AKT3: variants seen among roughly 807,000 people sequenced by gnomAD.
AKT3 encodes the protein AKT serine/threonine kinase 3.
In AKT3, 15 loss-of-function variants were observed where a neutral mutation model predicts 65.3. That is an observed-to-expected ratio of 0.23 (90% CI 0.15 to 0.35). The LOEUF (loss-of-function observed/expected upper bound fraction) is 0.35. Ranked by LOEUF, AKT3 falls within the 10% of genes least tolerant of loss-of-function variation. AKT3 has a pLI of 1.00. For synonymous variants in AKT3, 206 were observed against 183.8 expected, an observed-to-expected ratio of 1.12 and a Z score of -0.98; for missense variants, 243 against 576.5, an observed-to-expected ratio of 0.42 and a Z score of 5.92.
chr1:243,508,491 T>C (rs201260355), intron 13 of AKT3, among the ~76,000 whole-genome samples: 2 of 152,144 alleles, frequency 1.3e-5, no homozygotes, highest in East Asian at 3.9e-4. Context: ...ACAGAGGTCC[T>C]GAATAGGGAA....
At chr1:243,849,502 C>T (rs1695664912) in intron 1 of AKT3, among the ~76,000 whole-genome samples, 1 of 151,666 alleles carries the variant, frequency 6.6e-6, no homozygotes, top group Non-Finnish European at 1.5e-5. Context: ...CCCCACCCCA[C>T]GCGCAGACAG....
chr1:243,777,136 C>T (rs918559912), intron 2 of AKT3, among the ~76,000 whole-genome samples: 6 of 152,102 alleles, frequency 3.9e-5, no homozygotes, highest in African/African-American at 1.4e-4. Context: ...GACAATTTTT[C>T]CATGGGATTG....
intron 2 of AKT3, among the ~76,000 whole-genome samples, chr1:243,803,639 TACATGTACACAC>T (rs1692514299): frequency 8.2e-6 from 1 of 121,582 alleles, no homozygotes; most frequent in Admixed American, 1.0e-4. Flanking sequence ...AACAAAGACG[TACATGTACACAC>T]ACACACACAC....
intron 12 of AKT3, among the ~76,000 whole-genome samples, chr1:243,526,722 A>T (rs185851965): frequency 1.8e-4 from 27 of 150,970 alleles, no homozygotes; most frequent in Admixed American, 2.6e-4. Flanking sequence ...GGCAAAATAA[A>T]GACATCATCC....
intron 13 of AKT3, among the ~76,000 whole-genome samples, chr1:243,489,418 G>A (rs1276623583): frequency 1.3e-5 from 2 of 152,228 alleles, no homozygotes; most frequent in African/African-American, 4.8e-5. Context: ...TGCAGGCTGC[G>A]GAGGGTGCGA....
chr1:243,664,156 T>A (rs889354625), intron 4 of AKT3, among the ~76,000 whole-genome samples: 10 of 151,150 alleles, frequency 6.6e-5, no homozygotes, highest in Non-Finnish European at 2.9e-5. Context: ...TACAATTTTT[T>A]AAAAAAGGTA....
At chr1:243,549,734 CTT>C (rs886607393) in intron 11 of AKT3, among the ~76,000 whole-genome samples, 14 of 152,034 alleles carry the variant, frequency 9.2e-5, no homozygotes, top group African/African-American at 3.4e-4. Context: ...CCCATAAACA[CTT>C]TTAACTGCTC....
intron 8 of AKT3, among the ~76,000 whole-genome samples, chr1:243,588,231 C>T (rs1177852961): frequency 1.3e-5 from 2 of 152,068 alleles, no homozygotes; most frequent in African/African-American, 2.4e-5. Context: ...GAATACTAAG[C>T]AATGCATGTG....
Position 243,807,441 on chromosome 1 carries a change from ACAGCAGTCTGAGATCAAACTGCAACGCGG to A in AKT3, c.46+35655_46+35683del, listed in dbSNP as rs540009387. On this transcript the variant is annotated intron_variant, in intron 2 of 13. Transcript: ENST00000673466. ...CCACAGAGCCTCGCTCGTTGCTAGC[ACAGCAGTCTGAGATCAAACTGCAACGCGG>A]CAGCAAGGCTGAGGGAGGGGCGCCC... Among the ~76,000 whole-genome samples the A allele has an allele frequency of 7.0e-3, 1,064 of 152,314 alleles. 10 individuals carry two copies. The highest frequency in any genetic ancestry group is 0.025 in the African/African-American group (1,027 of 41,570).
At chr1:243,663,363 G>A (rs539199526) in intron 4 of AKT3, among the ~76,000 whole-genome samples, 1 of 152,048 alleles carries the variant, frequency 6.6e-6, no homozygotes, top group Non-Finnish European at 1.5e-5. Context: ...TATGGATTAT[G>A]GGTGGACATA....
In AKT3 at chr1:243,490,784, G is replaced by A. The variant is rs1182394161; in HGVS notation, c.*7-2334C>T. On this transcript the variant is annotated intron_variant, in intron 13 of 13. Transcript: ENST00000336199. ...GAGGCCTGCAGAGCAGCAGCTGTGG[G>A]ACCAGTGCCACTCCCCTCCCCTCTG... 2.0e-5 allele frequency among the ~76,000 whole-genome samples: 3 copies of A among 152,160 alleles called. No individual in the cohort carries two copies. The East Asian group carries it at 5.8e-4, about 29-fold the overall frequency.
chr1:243,632,871 T>TCTTCCA (rs1679708179), intron 6 of AKT3, among the ~76,000 whole-genome samples: 2 of 152,214 alleles, frequency 1.3e-5, no homozygotes, highest in African/African-American at 2.4e-5. Context: ...GCAGCTTCCT[T>TCTTCCA]ACTTCTCTCA....
intron 8 of AKT3, among the ~76,000 whole-genome samples, chr1:243,610,325 A>G (rs541539931): frequency 2.6e-5 from 4 of 152,306 alleles, no homozygotes; most frequent in African/African-American, 9.6e-5. Context: ...ATATTTGTGA[A>G]GCACCAACTA....
intron 2 of AKT3, among the ~76,000 whole-genome samples, chr1:243,841,255 A>G (rs1695222457): frequency 6.6e-6 from 1 of 152,164 alleles, no homozygotes; most frequent in Non-Finnish European, 1.5e-5. Flanking sequence ...TAAACAGACT[A>G]AAGAATCATC....
At chr1:243,740,111 G>T (rs1247622704) in intron 2 of AKT3, among the ~76,000 whole-genome samples, 1 of 152,142 alleles carries the variant, frequency 6.6e-6, no homozygotes, top group African/African-American at 2.4e-5. Flanking sequence ...GGGTCTTCCT[G>T]GGAGCTCATT....
chr1:243,495,291 C>G (rs543153486), downstream of AKT3, among the ~76,000 whole-genome samples: 1 of 152,216 alleles, frequency 6.6e-6, no homozygotes. Context: ...TGCTGTCTTA[C>G]GGAACGTCCC....
At chr1:243,743,828 T>C (rs759197659) in intron 2 of AKT3, among the ~76,000 whole-genome samples, 1 of 152,216 alleles carries the variant, frequency 6.6e-6, no homozygotes, top group South Asian at 2.1e-4. Context: ...TCAGCAACCA[T>C]AGGAAGAGGC....
chr1:243,531,141 A>G (rs1316217301), intron 12 of AKT3, among the ~76,000 whole-genome samples: 1 of 152,094 alleles, frequency 6.6e-6, no homozygotes, highest in Non-Finnish European at 1.5e-5. Flanking sequence ...CCAAGCTTGG[A>G]GAGCAGTAGT....
chr1:243,658,253 C>T lies in AKT3; in HGVS notation c.284+6519G>A, dbSNP rs117928682. ...ATAGGGAACTCCTATAACTCAGTAG[C>T]GAAAACAAAAAACAGAAACACAAGT... On this transcript the variant is annotated intron_variant, in intron 4 of 13. Coordinates refer to ENST00000673466, the MANE Select transcript of AKT3 (RefSeq NM_005465.7). 2.3e-3 allele frequency among the ~76,000 whole-genome samples: 349 copies of T among 152,000 alleles called. 3 individuals carry two copies. Among genetic ancestry groups the T allele is most frequent in the Admixed American group, 0.017 (252 of 15,260 alleles).
Sources: gnomAD v4.1 joint callset for allele counts (sites outside exome capture counted in the v4.1 genomes callset) on GRCh38, gnomAD v4.1.1 for gene constraint, MANE v1.5 for transcripts, NCBI Gene and HGNC (gene_info 2026-07-23, HGNC 2026-07-21) for gene names.